The following MRTFA variants were observed in gnomAD, a reference collection of about 807,000 sequenced individuals.
The protein encoded by MRTFA is myocardin related transcription factor A.
In MRTFA, 20 loss-of-function variants were observed where a neutral mutation model predicts 83.5. That is an observed-to-expected ratio of 0.24 (90% CI 0.17 to 0.35). The LOEUF (loss-of-function observed/expected upper bound fraction) is 0.35. Among genes scored for constraint, MRTFA ranks in the 10% least tolerant of loss-of-function variants. The probability of loss-of-function intolerance (pLI) is 1.00; values close to 1 mark genes in which losing one functional copy is unlikely to be tolerated. For synonymous variants in MRTFA, 659 were observed against 541.2 expected (o/e 1.22, Z -3.02); for missense variants, 1,200 against 1,224.7 (o/e 0.98, Z 0.30).
At chr22:40,590,372 A>G (rs746749240) in intron 2 of MRTFA, among the ~76,000 whole-genome samples, 1 of 152,088 alleles carries the variant, frequency 6.6e-6, no homozygotes, top group East Asian at 1.9e-4. Flanking sequence ...GTAAGCCTTT[A>G]AAAAGCTCCA....
intron 2 of MRTFA, among the ~76,000 whole-genome samples, chr22:40,558,646 A>C (rs1478755798): frequency 2.0e-5 from 3 of 152,114 alleles, no homozygotes; most frequent in Non-Finnish European, 4.4e-5. Flanking sequence ...AGTGAACATA[A>C]CCAGTATTTC....
chr22:40,616,551 T>C (rs1488509484), intron 1 of MRTFA, among the ~76,000 whole-genome samples: 3 of 152,040 alleles, frequency 2.0e-5, no homozygotes, highest in Non-Finnish European at 4.4e-5. Context: ...TGAGGTAATA[T>C]TTATGGAGTG....
rs2053886396 is a variant in MRTFA at position 40,470,282 on chromosome 22, A to AG, written c.242-6997_242-6996insC. The stretch of plus-strand genomic sequence containing the variant: ...ATATATATATATATATATATATATA[A>AG]AGAAACATAATAAAGAGCAAAAGAA... On this transcript the variant is annotated intron_variant, in intron 3 of 14. Transcript: ENST00000355630. Among the ~76,000 whole-genome samples, 18 of 79,132 alleles carry AG rather than the reference A, an allele frequency of 2.3e-4. No homozygotes were observed. The South Asian group carries it at 6.6e-3, about 29-fold the overall frequency. The allele number at this position is 79,132 out of a possible 152,430, so 51.9% of individuals were successfully genotyped here.
At chr22:40,430,823 T>C (rs1346312486) in intron 6 of MRTFA, among the ~76,000 whole-genome samples, 1 of 129,100 alleles carries the variant, frequency 7.7e-6, no homozygotes, top group Non-Finnish European at 1.5e-5. Flanking sequence ...ATCACACTAC[T>C]GCACTCCAGC....
At chr22:40,584,429 T>C (rs1377265888) in intron 2 of MRTFA, among the ~76,000 whole-genome samples, 1 of 152,212 alleles carries the variant, frequency 6.6e-6, no homozygotes, top group Non-Finnish European at 1.5e-5. Context: ...CAGCACGTTA[T>C]CTTGTCTTTC....
At chr22:40,415,911 A>G (rs1413323859) in intron 14 of MRTFA, among the ~76,000 whole-genome samples, 1 of 150,698 alleles carries the variant, frequency 6.6e-6, no homozygotes, top group Non-Finnish European at 1.5e-5. Flanking sequence ...CCCGACCCCC[A>G]AGGCTGGGCT....
chr22:40,539,810 C>A (rs749979645), intron 3 of MRTFA, among the ~76,000 whole-genome samples: 1 of 151,562 alleles, frequency 6.6e-6, no homozygotes, highest in Non-Finnish European at 1.5e-5. Context: ...CCGACGACAA[C>A]TATTTTCTTA....
chr22:40,463,098 A>G, intron 4 of MRTFA, 123 bp downstream of exon 4: 1 of 819,078 alleles, frequency 1.2e-6, no homozygotes, highest in Non-Finnish European at 2.1e-6. Context: ...CATGAGAAAG[A>G]AGAGAGTGGA....
At chr22:40,500,042 G>A (rs891189456) in intron 3 of MRTFA, among the ~76,000 whole-genome samples, 2 of 145,948 alleles carry the variant, frequency 1.4e-5, no homozygotes, top group African/African-American at 5.1e-5. Flanking sequence ...CAATTCTCCT[G>A]CCTCAGCCTC....
chr22:40,455,840 G>GTATT (rs1410767646), intron 4 of MRTFA, among the ~76,000 whole-genome samples: 1 of 148,256 alleles, frequency 6.7e-6, no homozygotes, highest in African/African-American at 2.4e-5. Flanking sequence ...ATGTATGTAT[G>GTATT]TATGTATTTA....
chr22:40,551,025 A>G (rs138158014), intron 3 of MRTFA, among the ~76,000 whole-genome samples: 93 of 151,840 alleles, frequency 6.1e-4, no homozygotes, highest in African/African-American at 1.6e-3. Flanking sequence ...CTAATTTTGT[A>G]TCTTTAGTAA....
chr22:40,556,790 ATTCT>A (rs1024247972), intron 2 of MRTFA, among the ~76,000 whole-genome samples: 4 of 152,242 alleles, frequency 2.6e-5, no homozygotes, highest in African/African-American at 7.2e-5. Context: ...CCGGCTGAGT[ATTCT>A]TTGTCATTGA....
At chr22:40,435,449 G>C in intron 5 of MRTFA, 50 bp downstream of exon 5, 1 of 1,568,608 alleles carries the variant, frequency 6.4e-7, no homozygotes, top group East Asian at 2.2e-5. Context: ...AATGCAATGA[G>C]CTCTGAAAAT....
chr22:40,539,868 T>G (rs2055259105), intron 3 of MRTFA, among the ~76,000 whole-genome samples: 1 of 151,522 alleles, frequency 6.6e-6, no homozygotes, highest in Non-Finnish European at 1.5e-5. Flanking sequence ...TTCCTTAATA[T>G]CAGTTAAACA....
intron 2 of MRTFA, among the ~76,000 whole-genome samples, chr22:40,559,644 C>A (rs1471842625): frequency 1.3e-5 from 2 of 151,994 alleles, no homozygotes; most frequent in African/African-American, 4.8e-5. Context: ...TGGCCTCAAG[C>A]GATCGCCCTA....
intron 2 of MRTFA, among the ~76,000 whole-genome samples, chr22:40,582,694 A>ACC (rs906708564): frequency 1.3e-5 from 2 of 150,524 alleles, no homozygotes; most frequent in African/African-American, 5.0e-5. Context: ...ACACACACAC[A>ACC]CCCTTCTCTA....
At chr22:40,460,585 C>T (rs1019274375) in intron 4 of MRTFA, among the ~76,000 whole-genome samples, 18 of 152,144 alleles carry the variant, frequency 1.2e-4, no homozygotes, top group Admixed American at 4.6e-4. Context: ...CTAGGACTAC[C>T]CTAGGCACAA....
chr22:40,588,763 C>A (rs1314861912), intron 2 of MRTFA, among the ~76,000 whole-genome samples: 1 of 152,180 alleles, frequency 6.6e-6, no homozygotes, highest in African/African-American at 2.4e-5. Context: ...CAGAGGACTG[C>A]TCGAGCCCAG....
chr22:40,410,833 T>C lies in MRTFA; in HGVS notation c.*557A>G, dbSNP rs528814664. 1.2e-4 allele frequency: 27 copies of C among 232,564 alleles called. No homozygotes were observed. In the South Asian group the frequency reaches 3.8e-3, roughly 33 times the overall value. The allele number at this position is 232,564 out of a possible 1,614,324, so 14.4% of individuals were successfully genotyped here. A position where few individuals can be genotyped will look rare whatever the true frequency, so the allele number is the denominator to read the frequency against. ...TATATAATATAGAGGTATATACACC[T>C]GTACATAAAATTGTTGCCACCAACC... On this transcript the variant is annotated 3_prime_UTR_variant, in exon 15 of 15. Transcript: ENST00000355630.
Sources: gnomAD v4.1 joint callset for allele counts (sites outside exome capture counted in the v4.1 genomes callset) on GRCh38, gnomAD v4.1.1 for gene constraint, MANE v1.5 for transcripts, NCBI Gene and HGNC (gene_info 2026-07-23, HGNC 2026-07-21) for gene names.